The following COPG2 variants were observed in gnomAD, a reference collection of about 807,000 sequenced individuals.
COPG2 encodes the protein coat protein complex I subunit gamma 2.
Under a neutral mutation model 46.3 loss-of-function variants are expected in COPG2, and 37 were observed. The observed-to-expected ratio is 0.80, with a 90% confidence interval of 0.61 to 1.05. COPG2 has a LOEUF of 1.05. Ranked by LOEUF, COPG2 falls within the 50% of genes least tolerant of loss-of-function variation. The pLI is 0.00. For synonymous variants in COPG2, 159 were observed against 129.7 expected (o/e 1.23, Z -1.53); for missense variants, 427 against 387.8 (o/e 1.10, Z -0.85).
At chr7:130,639,411 T>C (rs549619672) in intron 5 of COPG2, among the ~76,000 whole-genome samples, 2 of 152,268 alleles carry the variant, frequency 1.3e-5, no homozygotes, top group African/African-American at 4.8e-5. Context: ...ATTGATTATC[T>C]TTTCCCTTGA....
At chr7:130,668,391 GGGGCGCGCGCGGGCGCCGGGGC>G (rs1158267629) in intron 1 of COPG2, among the ~76,000 whole-genome samples, 2 of 148,814 alleles carry the variant, frequency 1.3e-5, no homozygotes, top group Non-Finnish European at 3.0e-5. Flanking sequence ...GGGCGGGAAC[GGGGCGCGCGCGGGCGCCGGGGC>G]GGGAGCGCGC....
At chr7:130,636,949 C>G (rs1563067048) in intron 5 of COPG2, among the ~76,000 whole-genome samples, 1 of 152,138 alleles carries the variant, frequency 6.6e-6, no homozygotes, top group Non-Finnish European at 1.5e-5. Context: ...ATTTGCTTCT[C>G]TGTAAAGGAT....
chr7:130,607,663 A>G (rs1312796046), intron 9 of COPG2: 1 of 517,634 alleles, frequency 1.9e-6, no homozygotes, highest in Non-Finnish European at 3.9e-6. Flanking sequence ...ATTTTTGTAG[A>G]GTTTAAAATT....
chr7:130,659,363 A>AAAAAAAAAAAAAAAAC (rs1795927006), intron 4 of COPG2, among the ~76,000 whole-genome samples: 1 of 149,894 alleles, frequency 6.7e-6, no homozygotes, highest in Non-Finnish European at 1.5e-5. Context: ...TCAAAAAAAA[A>AAAAAAAAAAAAAAAAC]AAAAACGAAC....
chr7:130,593,023 C>T (rs1794461175), intron 9 of COPG2, among the ~76,000 whole-genome samples: 1 of 152,244 alleles, frequency 6.6e-6, no homozygotes, highest in Admixed American at 6.5e-5. Flanking sequence ...GGGACAAGTG[C>T]ATCTGGTATT....
At position 130,666,882 on chromosome 7, in the gene COPG2, A is replaced by G. The variant is rs1321124294; in HGVS notation, c.138T>C (p.His46=). 7 of 1,565,730 alleles carry G rather than the reference A, an allele frequency of 4.5e-6. No homozygotes were observed. Among genetic ancestry groups the G allele is most frequent in the Admixed American group, 1.8e-5 (1 of 56,498 alleles). The part of the protein sequence containing the change: ...ETPINPRRCL[H]ILTKILYLLN... Reference sequence around the variant, plus strand: ...GTAAGTAAAGAATCTTTGTAAGAATATGCAAACATCTTCTTGGATTGATTG... The same window carrying G: ...GTAAGTAAAGAATCTTTGTAAGAATGTGCAAACATCTTCTTGGATTGATTG... The change falls in exon 3 of 24, where the codon CAT becomes CAC. Residue 46 remains histidine (H), a synonymous_variant. Transcript: ENST00000425248.
At chr7:130,571,560 G>A (rs1793899993) in intron 9 of COPG2, among the ~76,000 whole-genome samples, 2 of 152,136 alleles carry the variant, frequency 1.3e-5, no homozygotes, top group African/African-American at 2.4e-5. Context: ...TGTTGGTGTG[G>A]ATATGGTGAA....
intron 3 of COPG2, among the ~76,000 whole-genome samples, chr7:130,665,397 T>C (rs1473552748): frequency 6.6e-6 from 1 of 152,162 alleles, no homozygotes; most frequent in Non-Finnish European, 1.5e-5. Context: ...TCTGTATGTG[T>C]ATAGACATAT....
chr7:130,640,387 G>C (rs1554457029), intron 5 of COPG2, among the ~76,000 whole-genome samples: 1 of 151,416 alleles, frequency 6.6e-6, no homozygotes, highest in African/African-American at 2.4e-5. Flanking sequence ...TTACTATTTG[G>C]AGGCTTCAGG....
rs185184962 is a variant in COPG2, at chr7:130,620,269, T to C, written c.324-3204A>G. Reference sequence around the variant, plus strand: ...ACTGTTCCAGACACTTAGGATACTTTAGCAAGCAAAAGACACAAAGACTCC... The same window carrying C: ...ACTGTTCCAGACACTTAGGATACTTCAGCAAGCAAAAGACACAAAGACTCC... On this transcript the variant is annotated intron_variant, in intron 5 of 23. Transcript: ENST00000425248. Among the ~76,000 whole-genome samples, 21 of 152,208 alleles carry C rather than the reference T, an allele frequency of 1.4e-4. No individual in the cohort carries two copies. The East Asian group carries it at 4.1e-3, about 29-fold the overall frequency.
chr7:130,668,509 G>C, intron 1 of COPG2, 123 bp downstream of exon 1: 2 of 827,082 alleles, frequency 2.4e-6, no homozygotes, highest in Middle Eastern at 4.1e-4. Flanking sequence ...GCCGGCTCCA[G>C]CTCCGGCCCC....
rs907606646 is a variant in COPG2 at position 130,530,950 on chromosome 7, G to C, written c.2149+16724C>G. 4.8e-3 allele frequency among the ~76,000 whole-genome samples: 721 copies of C among 151,586 alleles called. 3 individuals are homozygous for C. Among genetic ancestry groups the C allele is most frequent in the Non-Finnish European group, 6.6e-3 (451 of 67,890 alleles). ...AGGGAACGGAAAGTGTAAAAGGGGTGGACAGCAATAGACAGGAAGGAATGG... is the reference window on the plus strand; with the variant it reads ...AGGGAACGGAAAGTGTAAAAGGGGTCGACAGCAATAGACAGGAAGGAATGG... On this transcript the variant is annotated intron_variant, in intron 20 of 23. Coordinates refer to ENST00000425248, the MANE Select transcript of COPG2 (RefSeq NM_012133.6).
intron 5 of COPG2, among the ~76,000 whole-genome samples, chr7:130,647,011 GTATATATATATATGTGTA>G: frequency 1.0e-4 from 1 of 9,744 alleles, no homozygotes; most frequent in African/African-American, 3.4e-4. Flanking sequence ...ATATATATAT[GTATATATATATATGTGTA>G]TATATATATT....
intron 20 of COPG2, among the ~76,000 whole-genome samples, chr7:130,541,562 A>G (rs908982123): frequency 4.6e-5 from 7 of 152,102 alleles, no homozygotes; most frequent in Non-Finnish European, 7.4e-5. Flanking sequence ...AGTGAGTGAC[A>G]AAGACAAAAT....
rs914847749 is a variant in COPG2 at position 130,612,493 on chromosome 7, C to T, written c.493-255G>A. 2.6e-5 allele frequency among the ~76,000 whole-genome samples: 4 copies of T among 152,080 alleles called. No homozygotes were observed. In the South Asian group the frequency reaches 8.3e-4, roughly 32 times the overall value. ...AAAGGAAGTAATGAAAGAGGAAGAA[C>T]AGGATAGGGATGGACAGTCAACAGA... On this transcript the variant is annotated intron_variant, in intron 7 of 23. Transcript: ENST00000425248.
chr7:130,668,482 G>A (rs1796146061), intron 1 of COPG2, 150 bp downstream of exon 1: 2 of 529,768 alleles, frequency 3.8e-6, no homozygotes, highest in Admixed American at 4.8e-5. Context: ...CCGGGCAGCC[G>A]CGAGGGGAGG....
rs370096777 is a variant in COPG2 at position 130,668,636 on chromosome 7, C to T, written c.33G>A (p.Glu11=). Residue 11 remains glutamate, a synonymous_variant, in exon 1 of 24, where the codon GAG becomes GAA. Transcript: ENST00000425248. ...CCTCGGAAGCCCCGCGCGTACCAGACTCCTCGTCCTTCTTGTCGAATTTTT... is the reference window on the plus strand; with the variant it reads ...CCTCGGAAGCCCCGCGCGTACCAGATTCCTCGTCCTTCTTGTCGAATTTTT... The part of the protein sequence containing the change: MIKKFDKKDE[E]SGSGSNPFQH... The T allele has an allele frequency of 1.2e-5, 19 of 1,540,300 alleles. No homozygotes were observed. The African/African-American group carries it at 2.4e-4, about 20-fold the overall frequency.
At chr7:130,555,446 A>G (rs909522077) in intron 12 of COPG2, among the ~76,000 whole-genome samples, 45 of 152,344 alleles carry the variant, frequency 3.0e-4, no homozygotes, top group Admixed American at 1.0e-3. Flanking sequence ...AAAAGCTTGA[A>G]CAGACTGACT....
At chr7:130,607,928 C>T in intron 9 of COPG2, 2 of 464,572 alleles carry the variant, frequency 4.3e-6, no homozygotes, top group Non-Finnish European at 8.5e-6. Context: ...TTTCACCACT[C>T]CCCAATATTT....
Sources: gnomAD v4.1 joint callset for allele counts (sites outside exome capture counted in the v4.1 genomes callset) on GRCh38, gnomAD v4.1.1 for gene constraint, MANE v1.5 for transcripts, NCBI Gene and HGNC (gene_info 2026-07-23, HGNC 2026-07-21) for gene names.